WWOX: variants seen among roughly 807,000 people sequenced by gnomAD.
WWOX encodes WW domain containing oxidoreductase.
WWOX carries 69 observed loss-of-function variants against 46.2 expected under a neutral mutation model. The observed-to-expected ratio is 1.49, with a 90% CI of 1.23 to 1.82. The LOEUF (loss-of-function observed/expected upper bound fraction) is 1.82, where lower values mean the gene tolerates loss of function less well. Ranked by LOEUF, WWOX falls within the 40% of genes most tolerant of loss-of-function variation. The pLI is 0.00. For synonymous variants in WWOX, 359 were observed against 202.6 expected, an observed-to-expected ratio of 1.77 and a Z score of -6.56; for missense variants, 919 against 542.6, an observed-to-expected ratio of 1.69 and a Z score of -6.89.
In WWOX at chr16:78,652,408, CA is replaced by C. The variant is rs747993811; in HGVS notation, c.1056+219679del. 8.7e-3 allele frequency among the ~76,000 whole-genome samples: 938 copies of C among 107,424 alleles called. 2 individuals carry two copies. The highest frequency in any genetic ancestry group is 0.023 in the African/African-American group (484 of 21,496). 70.5% of individuals were successfully genotyped at this position (107,424 alleles called of 152,430 possible). A position where few individuals can be genotyped will look rare whatever the true frequency, so the allele number is the denominator to read the frequency against. ...TGGGTGACAGAGCGAGACTCCGTCT[CA>C]AAAAAAAAAAAAAAAAAAAAAAGAA... On this transcript the variant is annotated intron_variant, in intron 8 of 8. Transcript: ENST00000566780.
At chr16:78,555,534 T>C (rs2044273105) in intron 8 of WWOX, among the ~76,000 whole-genome samples, 1 of 151,628 alleles carries the variant, frequency 6.6e-6, no homozygotes, top group African/African-American at 2.4e-5. Context: ...TGAGTATTCA[T>C]CAAGGTAATA....
chr16:79,054,442 G>A (rs775708284), intron 8 of WWOX, among the ~76,000 whole-genome samples: 4 of 152,192 alleles, frequency 2.6e-5, no homozygotes, highest in Non-Finnish European at 5.9e-5. Context: ...GATGACAACA[G>A]GGAGAAGTCT....
intron 6 of WWOX, among the ~76,000 whole-genome samples, chr16:78,408,298 A>G (rs1447554638): frequency 3.3e-5 from 5 of 151,936 alleles, no homozygotes; most frequent in Non-Finnish European, 1.5e-5. Context: ...TGTTGCCTTC[A>G]CTTTAACCTT....
At chr16:78,621,196 A>G (rs1385165383) in intron 8 of WWOX, among the ~76,000 whole-genome samples, 1 of 152,184 alleles carries the variant, frequency 6.6e-6, no homozygotes, top group African/African-American at 2.4e-5. Flanking sequence ...GATCTGCGAA[A>G]CATTAAAGTT....
At chr16:78,390,736 G>A (rs73569060) in intron 6 of WWOX, among the ~76,000 whole-genome samples, 1 of 152,268 alleles carries the variant, frequency 6.6e-6, no homozygotes, top group African/African-American at 2.4e-5. Context: ...AGAAACACAT[G>A]TAACTCTATT....
intron 8 of WWOX, among the ~76,000 whole-genome samples, chr16:78,646,473 G>C (rs1287028233): frequency 1.3e-5 from 2 of 152,006 alleles, no homozygotes; most frequent in Non-Finnish European, 2.9e-5. Flanking sequence ...TGTCACCCAG[G>C]CTGGGGTGCA....
intron 8 of WWOX, among the ~76,000 whole-genome samples, chr16:79,125,941 T>C (rs1222357292): frequency 1.3e-5 from 2 of 152,224 alleles, no homozygotes; most frequent in Admixed American, 6.5e-5. Context: ...TCTCTGTGAG[T>C]GCAGGAATCC....
At chr16:79,159,222 C>G (rs972704258) in intron 8 of WWOX, among the ~76,000 whole-genome samples, 1 of 152,122 alleles carries the variant, frequency 6.6e-6, no homozygotes, top group Non-Finnish European at 1.5e-5. Flanking sequence ...TCTCAATTAC[C>G]AGGGCAGCCT....
chr16:78,906,860 A>C (rs905177443), intron 8 of WWOX, among the ~76,000 whole-genome samples: 1 of 152,202 alleles, frequency 6.6e-6, no homozygotes, highest in Non-Finnish European at 1.5e-5. Context: ...TAATATGTCA[A>C]GCTTCCTAAC....
At chr16:78,809,769 G>C (rs916272512) in intron 8 of WWOX, among the ~76,000 whole-genome samples, 1 of 152,200 alleles carries the variant, frequency 6.6e-6, no homozygotes, top group African/African-American at 2.4e-5. Context: ...GGGACAGGAA[G>C]AAGGAAGGGG....
intron 4 of WWOX, among the ~76,000 whole-genome samples, chr16:78,147,652 T>A (rs1335154764): frequency 2.0e-5 from 3 of 148,844 alleles, no homozygotes; most frequent in Middle Eastern, 3.2e-3. Context: ...AAGGTCAATC[T>A]GAATTTTTCT....
intron 8 of WWOX, among the ~76,000 whole-genome samples, chr16:78,868,838 C>G (rs1404636904): frequency 6.6e-6 from 1 of 152,166 alleles, no homozygotes; most frequent in African/African-American, 2.4e-5. Flanking sequence ...CTCTTCTAGT[C>G]CTTATGCTAT....
intron 5 of WWOX, among the ~76,000 whole-genome samples, chr16:78,370,794 G>A (rs1193468894): frequency 6.7e-6 from 1 of 148,942 alleles, no homozygotes; most frequent in Admixed American, 6.7e-5. Context: ...TTTTTGGGGG[G>A]GGGGGGGCAA....
At chr16:78,266,452 A>G (rs2079364608) in intron 5 of WWOX, among the ~76,000 whole-genome samples, 1 of 152,064 alleles carries the variant, frequency 6.6e-6, no homozygotes, top group African/African-American at 2.4e-5. Flanking sequence ...GCTCCTTTCC[A>G]GAAAGCTTGG....
intron 5 of WWOX, among the ~76,000 whole-genome samples, chr16:78,225,908 A>G (rs560701047): frequency 1.1e-4 from 17 of 152,198 alleles, no homozygotes; most frequent in Admixed American, 9.8e-4. Flanking sequence ...TCTATTCTAC[A>G]TCTAAATAGT....
chr16:79,074,245 T>C lies in WWOX; in HGVS notation c.1057-137363T>C, dbSNP rs57059502. 7.8e-3 allele frequency among the ~76,000 whole-genome samples: 1,180 copies of C among 151,900 alleles called. 19 individuals are homozygous for C. The highest frequency in any genetic ancestry group is 0.026 in the African/African-American group (1,081 of 41,394). On this transcript the variant is annotated intron_variant, in intron 8 of 8. Coordinates refer to ENST00000566780, the MANE Select transcript of WWOX (RefSeq NM_016373.4). ...TGGATTTCTATTTTTTTAAAAAATA[T>C]AATAAATCATCCAGCCCCAAATGTC... is the stretch of plus-strand genomic sequence containing the variant.
At chr16:78,403,810 C>T (rs1350135321) in intron 6 of WWOX, among the ~76,000 whole-genome samples, 2 of 152,126 alleles carry the variant, frequency 1.3e-5, no homozygotes, top group African/African-American at 4.8e-5. Flanking sequence ...CAGCTCTAGC[C>T]CTTCACTCAA....
chr16:78,416,121 C>G (rs2082792484), intron 6 of WWOX, among the ~76,000 whole-genome samples: 1 of 152,184 alleles, frequency 6.6e-6, no homozygotes, highest in Non-Finnish European at 1.5e-5. Context: ...GAAAAAAAAT[C>G]AGCCCCTTAA....
At chr16:78,591,679 G>A (rs1385885890) in intron 8 of WWOX, among the ~76,000 whole-genome samples, 1 of 152,188 alleles carries the variant, frequency 6.6e-6, no homozygotes. Context: ...ATATCAGTTT[G>A]TGTTTCCTGT....
Sources: allele counts gnomAD v4.1 joint callset (sites outside exome capture counted in the v4.1 genomes callset), GRCh38; gene constraint gnomAD v4.1.1; transcripts MANE v1.5; gene names NCBI Gene and HGNC (gene_info 2026-07-23, HGNC 2026-07-21).